Variants in RBM6 observed in about 807,000 individuals in gnomAD.
RBM6 encodes RNA binding motif protein 6.
A neutral mutation model predicts 140.4 loss-of-function variants in RBM6; 23 were observed. The observed-to-expected ratio is 0.16, with a 90% CI of 0.12 to 0.23. RBM6 has a LOEUF of 0.23. RBM6 is among the 10% of genes least tolerant of loss of function. The pLI is 1.00. For synonymous variants in RBM6, 439 were observed against 475.6 expected, an observed-to-expected ratio of 0.92 and a Z score of 1.00; for missense variants, 1,139 against 1,386.7, an observed-to-expected ratio of 0.82 and a Z score of 2.84.
chr3:50,075,176 G>T lies in RBM6; in HGVS notation c.3117-25G>T, dbSNP rs182326068. ...CGTCTCAAAAAAAAAAAAAAAGGAA[G>T]TGATGGTGTCTGCTTCTTTTGCAGT... is the stretch of plus-strand genomic sequence containing the variant. On this transcript the variant is annotated intron_variant, in intron 19 of 20. Transcript: ENST00000266022. 6.1e-3 allele frequency: 9,652 copies of T among 1,584,508 alleles called. 45 individuals carry two copies. The highest frequency in any genetic ancestry group is 7.6e-3 in the Non-Finnish European group (8,873 of 1,169,004).
chr3:50,068,217 A>T (rs1323183118), intron 17 of RBM6, among the ~76,000 whole-genome samples: 12 of 152,156 alleles, frequency 7.9e-5, no homozygotes, highest in Non-Finnish European at 1.8e-4. Context: ...TGGACTCCTT[A>T]AGTTTCATAC....
intron 1 of RBM6, among the ~76,000 whole-genome samples, chr3:49,957,306 C>G (rs1296044161): frequency 4.0e-5 from 6 of 148,776 alleles, no homozygotes; most frequent in Non-Finnish European, 7.5e-5. Context: ...CATTTTCTTT[C>G]TTTCTTTTTT....
intron 19 of RBM6, among the ~76,000 whole-genome samples, chr3:50,071,843 T>C (rs2090308136): frequency 6.6e-6 from 1 of 151,050 alleles, no homozygotes; most frequent in Non-Finnish European, 1.5e-5. Flanking sequence ...CCCAGCACTT[T>C]GGGAGGCCGA....
At chr3:50,005,956 G>A (rs1001637367) in intron 6 of RBM6, among the ~76,000 whole-genome samples, 1 of 152,102 alleles carries the variant, frequency 6.6e-6, no homozygotes, top group African/African-American at 2.4e-5. Flanking sequence ...CAAACCAAGG[G>A]TTATTGAAGA....
At chr3:49,962,988 T>C (rs1360147965) in intron 2 of RBM6, 1 of 200,632 alleles carries the variant, frequency 5.0e-6, no homozygotes, top group Non-Finnish European at 9.9e-6. Context: ...TAGTCCCAGC[T>C]ACTCGGGAGG....
intron 17 of RBM6, among the ~76,000 whole-genome samples, chr3:50,067,610 C>T (rs902353235): frequency 6.6e-6 from 1 of 152,208 alleles, no homozygotes; most frequent in African/African-American, 2.4e-5. Flanking sequence ...TTATGAGCCA[C>T]AGCACAACAT....
chr3:50,036,574 A>G (rs1323765449), intron 6 of RBM6, among the ~76,000 whole-genome samples: 1 of 152,196 alleles, frequency 6.6e-6, no homozygotes, highest in Non-Finnish European at 1.5e-5. Context: ...CAGCCATGAT[A>G]TTATAGCTCA....
At chr3:50,031,592 A>AG (rs1316307954) in intron 6 of RBM6, among the ~76,000 whole-genome samples, 30 of 135,424 alleles carry the variant, frequency 2.2e-4, no homozygotes, top group Non-Finnish European at 2.6e-4. Context: ...GGGGTGGGGG[A>AG]GGGGGGAGTG....
intron 5 of RBM6, 109 bp downstream of exon 5, chr3:49,975,501 A>G (rs1159139201): frequency 5.3e-6 from 5 of 950,864 alleles, no homozygotes; most frequent in Admixed American, 2.1e-5. Context: ...TAAAATTTCC[A>G]GAAGCCTCCC....
intron 5 of RBM6, among the ~76,000 whole-genome samples, chr3:49,981,399 G>A (rs1199838886): frequency 3.9e-5 from 6 of 152,116 alleles, no homozygotes; most frequent in Admixed American, 3.3e-4. Context: ...TCTGGGGTGG[G>A]GCCCAGTAGC....
intron 6 of RBM6, among the ~76,000 whole-genome samples, chr3:50,020,954 C>G (rs1041253003): frequency 6.6e-6 from 1 of 152,142 alleles, no homozygotes; most frequent in Non-Finnish European, 1.5e-5. Context: ...GAGATTTCTT[C>G]TTTAGCTTGT....
chr3:49,968,770 CTTTTTTTTTTTTTTTTT>C (rs569224640), intron 3 of RBM6, 22 bp downstream of exon 3: 16 of 700,096 alleles, frequency 2.3e-5, no homozygotes, highest in South Asian at 2.1e-4. Context: ...GGGTGGATTG[CTTTTTTTTTTTTTTTTT>C]TTTTTTTTTT....
At chr3:50,004,268 CCTTTTT>C (rs1273288560) in intron 6 of RBM6, among the ~76,000 whole-genome samples, 3 of 151,206 alleles carry the variant, frequency 2.0e-5, no homozygotes, top group African/African-American at 2.4e-5. Context: ...CCTTTCCTTT[CCTTTTT>C]CTTTTTCTTT....
intron 1 of RBM6, among the ~76,000 whole-genome samples, chr3:49,952,117 C>G (rs899938233): frequency 1.3e-5 from 2 of 151,994 alleles, no homozygotes; most frequent in African/African-American, 4.8e-5. Context: ...TTAGTACAAC[C>G]TCTGCCTCCC....
intron 17 of RBM6, among the ~76,000 whole-genome samples, chr3:50,068,225 TAC>T (rs1201376043): frequency 2.0e-5 from 3 of 152,194 alleles, no homozygotes. Flanking sequence ...TTAAGTTTCA[TAC>T]ATATGTCTGA....
intron 5 of RBM6, among the ~76,000 whole-genome samples, chr3:49,995,896 G>C (rs931252062): frequency 2.0e-5 from 3 of 151,998 alleles, no homozygotes; most frequent in African/African-American, 7.3e-5. Context: ...AATTACATTT[G>C]GGAAATAAAG....
At chr3:50,013,106 GA>G in intron 6 of RBM6, among the ~76,000 whole-genome samples, 1 of 152,206 alleles carries the variant, frequency 6.6e-6, no homozygotes, top group Admixed American at 6.5e-5. Flanking sequence ...TATTCTCATT[GA>G]AAAAGGGACA....
intron 6 of RBM6, among the ~76,000 whole-genome samples, chr3:50,025,902 T>C (rs2087788261): frequency 6.6e-6 from 1 of 152,042 alleles, no homozygotes; most frequent in African/African-American, 2.4e-5. Context: ...TATAGAACTT[T>C]GACCAACATG....
intron 2 of RBM6, 114 bp downstream of exon 2, chr3:49,962,799 T>C (rs533659332): frequency 8.3e-7 from 1 of 1,198,546 alleles, no homozygotes; most frequent in East Asian, 2.7e-5. Context: ...TTTCTGATTT[T>C]TTAAAAATAG....
Sources: allele counts gnomAD v4.1 joint callset (sites outside exome capture counted in the v4.1 genomes callset), GRCh38; gene constraint gnomAD v4.1.1; transcripts MANE v1.5; gene names NCBI Gene and HGNC (gene_info 2026-07-23, HGNC 2026-07-21).